The following AHI1 variants were observed in gnomAD, a reference collection of about 807,000 sequenced individuals.
AHI1 encodes jouberin.
AHI1 carries 123 observed loss-of-function variants against 149.3 expected under a neutral mutation model. The ratio of observed to expected loss-of-function variants is 0.82; its 90% CI spans 0.71 to 0.96. The LOEUF (loss-of-function observed/expected upper bound fraction) is 0.96, where lower values mean the gene tolerates loss of function less well. Among genes scored for constraint, AHI1 ranks in the 40% least tolerant of loss-of-function variants. The pLI is 0.00. For missense variants in AHI1, 1,439 were observed against 1,422.7 expected, an observed-to-expected ratio of 1.01 and a Z score of -0.18; for synonymous variants, 475 against 459.8, an observed-to-expected ratio of 1.03 and a Z score of -0.42.
intron 14 of AHI1, among the ~76,000 whole-genome samples, 183 bp downstream of exon 14, chr6:135,442,395 GAACA>G (rs751347073): frequency 1.4e-4 from 22 of 151,826 alleles, no homozygotes; most frequent in Non-Finnish European, 3.1e-4. Flanking sequence ...TTCTACTTAC[GAACA>G]GTTACTGTAT....
At chr6:135,385,889 T>A (rs1777508320) in intron 23 of AHI1, among the ~76,000 whole-genome samples, 1 of 152,232 alleles carries the variant, frequency 6.6e-6, no homozygotes, top group African/African-American at 2.4e-5. Context: ...TTAAATTCTT[T>A]CTTAACTTAC....
At chr6:135,392,875 AT>A (rs927462641) in intron 23 of AHI1, among the ~76,000 whole-genome samples, 6 of 151,988 alleles carry the variant, frequency 3.9e-5, no homozygotes, top group African/African-American at 7.3e-5. Flanking sequence ...CTAAGGCAGG[AT>A]TTTTTTTCAT....
intron 18 of AHI1, among the ~76,000 whole-genome samples, chr6:135,429,315 A>C (rs923315739): frequency 4.0e-5 from 6 of 151,754 alleles, no homozygotes; most frequent in African/African-American, 1.2e-4. Flanking sequence ...ACTTTGTGCC[A>C]GGTAAGTATT....
At chr6:135,360,524 T>C (rs1365346215) in intron 23 of AHI1, among the ~76,000 whole-genome samples, 2 of 152,200 alleles carry the variant, frequency 1.3e-5, no homozygotes, top group Admixed American at 1.3e-4. Flanking sequence ...GATTTTGGTC[T>C]TGCCAGCCCC....
chr6:135,466,993 A>C (rs1359145616), intron 6 of AHI1, among the ~76,000 whole-genome samples: 2 of 152,238 alleles, frequency 1.3e-5, no homozygotes, highest in Admixed American at 1.3e-4. Flanking sequence ...AATAAGGATA[A>C]GAGTCAAGTA....
At chr6:135,457,355 T>C in intron 9 of AHI1, 139 bp downstream of exon 9, 1 of 628,984 alleles carries the variant, frequency 1.6e-6, no homozygotes, top group Non-Finnish European at 2.8e-6. Flanking sequence ...TAATGACTGA[T>C]GAACACCTAC....
chr6:135,483,311 T>C (rs1018353658), intron 5 of AHI1, among the ~76,000 whole-genome samples: 15 of 152,142 alleles, frequency 9.9e-5, no homozygotes, highest in African/African-American at 3.1e-4. Flanking sequence ...CCAGCACTTA[T>C]ATAGGTGAAT....
intron 26 of AHI1, among the ~76,000 whole-genome samples, chr6:135,310,258 A>G (rs1016899133): frequency 2.1e-5 from 2 of 97,510 alleles, no homozygotes; most frequent in Non-Finnish European, 3.8e-5. Flanking sequence ...TTTTCTCTAT[A>G]AAGTGATATT....
chr6:135,419,453 C>A (rs1321847493), intron 20 of AHI1, among the ~76,000 whole-genome samples: 1 of 151,722 alleles, frequency 6.6e-6, no homozygotes, highest in African/African-American at 2.4e-5. Flanking sequence ...AGAGATATGG[C>A]GGGTTTGGTT....
chr6:135,431,155 G>A (rs560765428), intron 17 of AHI1, 53 bp downstream of exon 17: 93 of 1,243,106 alleles, frequency 7.5e-5, no homozygotes, highest in Non-Finnish European at 1.0e-4. Flanking sequence ...CATGTGATTG[G>A]ATTTTTCCAA....
chr6:135,304,279 C>T (rs1784276018), intron 26 of AHI1, among the ~76,000 whole-genome samples: 1 of 152,116 alleles, frequency 6.6e-6, no homozygotes, highest in South Asian at 2.1e-4. Context: ...CCTTAAACTC[C>T]TGGCCTCAAG....
chr6:135,462,908 A>C (rs1170804712), intron 8 of AHI1, among the ~76,000 whole-genome samples: 2 of 152,056 alleles, frequency 1.3e-5, no homozygotes, highest in Non-Finnish European at 2.9e-5. Context: ...CTCAAAAATA[A>C]AAAAAATCAG....
In AHI1 at chr6:135,290,213, C is replaced by T. The variant is rs73557663; in HGVS notation, c.3588+210G>A. Among the ~76,000 whole-genome samples the T allele has an allele frequency of 0.22, 34,075 of 152,016 alleles. 8,455 individuals carry two copies. The highest frequency in any genetic ancestry group is 0.62 in the African/African-American group (25,676 of 41,392). ...TTCTTACAGTCTTTTTCCCTTTGGG[C>T]TGGAGACAATCTGATTTATGCTTCC... is the stretch of plus-strand genomic sequence containing the variant. On this transcript the variant is annotated intron_variant, in intron 28 of 28. Transcript: ENST00000265602.
chr6:135,452,311 T>C (rs1030412054), intron 11 of AHI1, among the ~76,000 whole-genome samples: 11 of 152,356 alleles, frequency 7.2e-5, no homozygotes, highest in South Asian at 6.2e-4. Flanking sequence ...ATAATTTAAA[T>C]TGATGTTTGA....
chr6:135,312,672 T>G (rs1270132697), intron 26 of AHI1, among the ~76,000 whole-genome samples: 2 of 152,224 alleles, frequency 1.3e-5, no homozygotes, highest in Non-Finnish European at 2.9e-5. Flanking sequence ...TGTTGCTAAC[T>G]AGGTGGTGGA....
chr6:135,460,810 C>T (rs1162221684), intron 8 of AHI1, among the ~76,000 whole-genome samples: 1 of 152,230 alleles, frequency 6.6e-6, no homozygotes, highest in East Asian at 1.9e-4. Flanking sequence ...AGTGACACTG[C>T]AACACAGAGG....
rs1208826340 is a variant in AHI1, at chr6:135,427,376, T to C, written c.2624-69A>G. On this transcript the variant is annotated intron_variant, in intron 19 of 28. Coordinates refer to ENST00000265602, the MANE Select transcript of AHI1 (RefSeq NM_001134831.2). ...TGTATCGATAAATCTTCTCACAAGATTATTCTGCCATTTATTAGAAAATAT... is the reference window on the plus strand; with the variant it reads ...TGTATCGATAAATCTTCTCACAAGACTATTCTGCCATTTATTAGAAAATAT... The C allele has an allele frequency of 3.7e-6, 5 of 1,344,050 alleles. No homozygotes were observed. In the Admixed American group the frequency reaches 8.9e-5, roughly 24 times the overall value. The allele number at this position is 1,344,050 out of a possible 1,614,324, so 83.3% of individuals were successfully genotyped here.
intron 26 of AHI1, among the ~76,000 whole-genome samples, chr6:135,311,301 C>CAAA (rs35950731): frequency 4.8e-4 from 38 of 79,834 alleles, no homozygotes; most frequent in Non-Finnish European, 6.4e-4. Context: ...GACCCCGCCT[C>CAAA]AAAAAAAAAA....
intron 24 of AHI1, among the ~76,000 whole-genome samples, chr6:135,324,341 G>A (rs1245288644): frequency 6.0e-5 from 9 of 151,210 alleles, no homozygotes; most frequent in Non-Finnish European, 1.3e-4. Context: ...AAAAAAAGAA[G>A]AAGAAAAAAA....
Sources: gnomAD v4.1 joint callset for allele counts (sites outside exome capture counted in the v4.1 genomes callset) on GRCh38, gnomAD v4.1.1 for gene constraint, MANE v1.5 for transcripts, NCBI Gene and HGNC (gene_info 2026-07-23, HGNC 2026-07-21) for gene names.